Variants in HS6ST3 observed in about 807,000 individuals in gnomAD.
HS6ST3 encodes the protein heparan-sulfate 6-O-sulfotransferase 3.
HS6ST3 carries 12 observed loss-of-function variants against 36.7 expected under a neutral mutation model. The observed-to-expected ratio is 0.33, with a 90% CI of 0.21 to 0.53. HS6ST3 has a LOEUF of 0.53. Ranked by LOEUF, HS6ST3 falls within the 20% of genes least tolerant of loss-of-function variation. The pLI is 0.95. For synonymous variants in HS6ST3, 240 were observed against 257.5 expected, an observed-to-expected ratio of 0.93 and a Z score of 0.65; for missense variants, 584 against 640.9, an observed-to-expected ratio of 0.91 and a Z score of 0.96.
chr13:96,351,027 A>C (rs1203926968), intron 1 of HS6ST3, among the ~76,000 whole-genome samples: 1 of 152,072 alleles, frequency 6.6e-6, no homozygotes, highest in Non-Finnish European at 1.5e-5. Flanking sequence ...TTCCCTTTTA[A>C]CTTTAACCTT....
At chr13:96,222,856 G>A (rs1159813152) in intron 1 of HS6ST3, among the ~76,000 whole-genome samples, 1 of 152,148 alleles carries the variant, frequency 6.6e-6, no homozygotes, top group Non-Finnish European at 1.5e-5. Context: ...TTTCAAGTTA[G>A]GACTCTTTTG....
intron 1 of HS6ST3, among the ~76,000 whole-genome samples, chr13:96,757,622 G>T (rs1024259): frequency 8.7e-4 from 132 of 152,150 alleles, no homozygotes; most frequent in African/African-American, 3.0e-3. Flanking sequence ...TTGTAGATAC[G>T]CATTATCCGA....
intron 1 of HS6ST3, among the ~76,000 whole-genome samples, chr13:96,616,389 T>C (rs2056474454): frequency 6.6e-6 from 1 of 152,168 alleles, no homozygotes; most frequent in Non-Finnish European, 1.5e-5. Context: ...TTTTTAGAAA[T>C]TTCCTTTTCT....
At chr13:96,144,620 ATTATT>A (rs981153735) in intron 1 of HS6ST3, among the ~76,000 whole-genome samples, 15 of 151,636 alleles carry the variant, frequency 9.9e-5, no homozygotes, top group East Asian at 1.9e-4. Context: ...TATAAATAAA[ATTATT>A]TTATTTTATT....
intron 1 of HS6ST3, among the ~76,000 whole-genome samples, chr13:96,214,970 G>A (rs182021880): frequency 1.2e-3 from 185 of 152,234 alleles, no homozygotes; most frequent in Non-Finnish European, 2.0e-3. Context: ...TAGTTGATTT[G>A]ACAGATTTTA....
At chr13:96,651,625 C>T (rs909575479) in intron 1 of HS6ST3, among the ~76,000 whole-genome samples, 2 of 152,108 alleles carry the variant, frequency 1.3e-5, no homozygotes, top group African/African-American at 4.8e-5. Context: ...TAAAAAACTT[C>T]TCCTTCAAGT....
intron 1 of HS6ST3, among the ~76,000 whole-genome samples, chr13:96,099,328 T>C (rs747911363): frequency 2.0e-5 from 3 of 152,116 alleles, no homozygotes; most frequent in Non-Finnish European, 4.4e-5. Flanking sequence ...TCCTGAATAG[T>C]GTAAAAATGA....
At chr13:96,516,563 T>C (rs1317021143) in intron 1 of HS6ST3, among the ~76,000 whole-genome samples, 1 of 152,214 alleles carries the variant, frequency 6.6e-6, no homozygotes, top group Admixed American at 6.5e-5. Flanking sequence ...TTGAAATATA[T>C]ATGCTATCAA....
At chr13:96,253,751 T>G (rs2054618663) in intron 1 of HS6ST3, among the ~76,000 whole-genome samples, 1 of 152,138 alleles carries the variant, frequency 6.6e-6, no homozygotes, top group Non-Finnish European at 1.5e-5. Context: ...TAGCTACCAT[T>G]TATTTACTCG....
chr13:96,507,663 A>T (rs1594796226), intron 1 of HS6ST3, among the ~76,000 whole-genome samples: 1 of 152,028 alleles, frequency 6.6e-6, no homozygotes, highest in Admixed American at 6.6e-5. Flanking sequence ...TATTTTATTA[A>T]TAATAATAAC....
chr13:96,266,223 C>T (rs2054691807), intron 1 of HS6ST3, among the ~76,000 whole-genome samples: 1 of 152,138 alleles, frequency 6.6e-6, no homozygotes, highest in Admixed American at 6.5e-5. Flanking sequence ...CTGGGCGCCT[C>T]AGATCAGAGT....
intron 1 of HS6ST3, among the ~76,000 whole-genome samples, chr13:96,363,597 A>G (rs1343444817): frequency 6.6e-6 from 1 of 152,180 alleles, no homozygotes; most frequent in Non-Finnish European, 1.5e-5. Context: ...CTATAGCCTT[A>G]TCTTTTTTAA....
At chr13:96,246,552 A>G (rs943325895) in intron 1 of HS6ST3, among the ~76,000 whole-genome samples, 4 of 152,346 alleles carry the variant, frequency 2.6e-5, no homozygotes, top group Admixed American at 1.3e-4. Flanking sequence ...TTTAAGGCAG[A>G]TACTTCAAAA....
At chr13:96,408,994 G>A (rs1297939138) in intron 1 of HS6ST3, among the ~76,000 whole-genome samples, 2 of 152,184 alleles carry the variant, frequency 1.3e-5, no homozygotes, top group Non-Finnish European at 2.9e-5. Flanking sequence ...GGAGACCAGA[G>A]GAATGTGCCA....
At chr13:96,668,897 A>AG (rs1204090475) in intron 1 of HS6ST3, among the ~76,000 whole-genome samples, 1 of 151,810 alleles carries the variant, frequency 6.6e-6, no homozygotes, top group Non-Finnish European at 1.5e-5. Context: ...AAATATGGAT[A>AG]CCATGTCTCA....
chr13:96,711,018 A>G (rs1875548949), intron 1 of HS6ST3, among the ~76,000 whole-genome samples: 1 of 152,240 alleles, frequency 6.6e-6, no homozygotes. Flanking sequence ...GTCTTCAAAC[A>G]AAAAGCACCC....
chr13:96,275,277 T>C (rs1019351689), intron 1 of HS6ST3, among the ~76,000 whole-genome samples: 9 of 152,198 alleles, frequency 5.9e-5, no homozygotes, highest in Non-Finnish European at 1.5e-5. Context: ...AATTATTTAC[T>C]TAGCACATGG....
intron 1 of HS6ST3, among the ~76,000 whole-genome samples, chr13:96,240,319 G>A (rs1423675436): frequency 6.6e-6 from 1 of 152,144 alleles, no homozygotes; most frequent in Admixed American, 6.6e-5. Context: ...AAGGTTAGGG[G>A]AGGGGAGTGG....
At chr13:96,535,600 A>G (rs2056152441) in intron 1 of HS6ST3, among the ~76,000 whole-genome samples, 1 of 151,316 alleles carries the variant, frequency 6.6e-6, no homozygotes, top group Non-Finnish European at 1.5e-5. Flanking sequence ...AAATCTAGGT[A>G]GGGTTTGAAC....
Sources: gnomAD v4.1 joint callset for allele counts (sites outside exome capture counted in the v4.1 genomes callset) on GRCh38, gnomAD v4.1.1 for gene constraint, MANE v1.5 for transcripts, NCBI Gene and HGNC (gene_info 2026-07-23, HGNC 2026-07-21) for gene names.